DNAH6: variants seen among roughly 807,000 people sequenced by gnomAD.
The protein encoded by DNAH6 is axonemal beta dynein heavy chain 6.
DNAH6 carries 340 observed loss-of-function variants against 491.4 expected under a neutral mutation model. The ratio of observed to expected loss-of-function variants is 0.69; its 90% confidence interval spans 0.63 to 0.76. DNAH6 has a LOEUF of 0.76. Among genes scored for constraint, DNAH6 ranks in the 30% least tolerant of loss-of-function variants. The pLI is 0.00. For synonymous variants in DNAH6, 1,603 were observed against 1,686.1 expected, an observed-to-expected ratio of 0.95 and a Z score of 1.21; for missense variants, 4,443 against 4,972.2, an observed-to-expected ratio of 0.89 and a Z score of 3.20.
intron 18 of DNAH6, among the ~76,000 whole-genome samples, chr2:84,597,018 C>A (rs1684661234): frequency 6.6e-6 from 1 of 152,126 alleles, no homozygotes; most frequent in Admixed American, 6.5e-5. Flanking sequence ...GTATCCAATA[C>A]AATAGTACCA....
intron 22 of DNAH6, among the ~76,000 whole-genome samples, chr2:84,614,742 G>A (rs78862993): frequency 0.012 from 1,841 of 151,982 alleles, 38 homozygotes; most frequent in African/African-American, 0.042. Flanking sequence ...GGGTGGTATC[G>A]CATTGTGGTT....
At chr2:84,763,049 CA>C in intron 64 of DNAH6, 104 bp downstream of exon 64, 1 of 813,518 alleles carries the variant, frequency 1.2e-6, no homozygotes, top group South Asian at 1.7e-5. Context: ...TTCTTACATT[CA>C]GGTATCACTT....
intron 16 of DNAH6, among the ~76,000 whole-genome samples, chr2:84,589,290 T>C (rs1166507974): frequency 1.3e-5 from 2 of 152,246 alleles, no homozygotes; most frequent in Non-Finnish European, 2.9e-5. Flanking sequence ...TTAAGTAATA[T>C]TCAGGCTTCC....
chr2:84,751,475 G>A (rs575604085), intron 63 of DNAH6, among the ~76,000 whole-genome samples: 2 of 152,262 alleles, frequency 1.3e-5, no homozygotes, highest in African/African-American at 4.8e-5. Context: ...TAAATAGTGT[G>A]TTTAGACCTA....
At chr2:84,621,697 C>A in intron 26 of DNAH6, 146 bp downstream of exon 26, 1 of 507,936 alleles carries the variant, frequency 2.0e-6, no homozygotes, top group East Asian at 3.1e-5. Context: ...CTTTACAATT[C>A]TAAAATTATT....
intron 18 of DNAH6, among the ~76,000 whole-genome samples, 189 bp downstream of exon 18, chr2:84,595,978 A>C (rs72941034): frequency 6.6e-6 from 1 of 152,188 alleles, no homozygotes; most frequent in East Asian, 1.9e-4. Context: ...CAAATCATGC[A>C]GTTGAATACT....
At chr2:84,569,435 G>A (rs1357711254) in intron 11 of DNAH6, among the ~76,000 whole-genome samples, 1 of 152,064 alleles carries the variant, frequency 6.6e-6, no homozygotes. Context: ...TGAAAAAAAT[G>A]GGGAAGTGAC....
At chr2:84,718,459 G>A (rs1038216021) in intron 59 of DNAH6, 75 bp downstream of exon 59, 23 of 1,260,208 alleles carry the variant, frequency 1.8e-5, no homozygotes, top group Non-Finnish European at 2.4e-5. Flanking sequence ...TGAGGGTCCT[G>A]CAAGGGCTTT....
intron 47 of DNAH6, among the ~76,000 whole-genome samples, chr2:84,698,523 A>G (rs2104811798): frequency 6.6e-6 from 1 of 152,256 alleles, no homozygotes; most frequent in Non-Finnish European, 1.5e-5. Flanking sequence ...GAGCCACTAA[A>G]CCAGTCAGTG....
chr2:84,556,887 A>G (rs996367863), intron 10 of DNAH6, among the ~76,000 whole-genome samples: 5 of 152,178 alleles, frequency 3.3e-5, no homozygotes, highest in African/African-American at 7.2e-5. Context: ...GGGAGATGCC[A>G]TTTTGTAAGG....
chr2:84,708,553 AAGGAAGGAAAGAAAGAGGGAAGGAAGG>A (rs1238785694), intron 54 of DNAH6, among the ~76,000 whole-genome samples: 8 of 145,216 alleles, frequency 5.5e-5, no homozygotes, highest in African/African-American at 2.0e-4. Flanking sequence ...AGGAAGGAGG[AAGGAAGGAAAGAAAGAGGGAAGGAAGG>A]AGGAAGGAAG....
At chr2:84,740,182 A>G (rs1370790887) in intron 62 of DNAH6, among the ~76,000 whole-genome samples, 1 of 152,142 alleles carries the variant, frequency 6.6e-6, no homozygotes, top group African/African-American at 2.4e-5. Context: ...AAGTAGGTTC[A>G]TGCAGTGACT....
At position 84,653,645 on chromosome 2, in the gene DNAH6, A is replaced by G. The variant is rs1364938114; in HGVS notation, c.5405A>G (p.Tyr1802Cys). ...AAATCAATTACCATGGGTGAATTAT[A>G]TGGAGAGGTTAATAACTTAACCTTG... ...NPKSITMGEL[Y>C]GEVNNLTLEW... Residue 1802 changes from tyrosine (Y) to cysteine (C), a missense_variant, in exon 34 of 77, where the codon TAT becomes TGT. Physicochemically the swap from Tyr to Cys is radical, Grantham distance 194. This residue lies in a region of DNAH6 where 2,977 missense variants were observed against 3,296.6 expected (regional missense o/e 0.90). Coordinates refer to ENST00000389394, the MANE Select transcript of DNAH6 (RefSeq NM_001370.2). 6.4e-7 allele frequency: 1 copy of G among 1,551,150 alleles called. No homozygotes were observed. The highest frequency in any genetic ancestry group is 8.7e-7 in the Non-Finnish European group (1 of 1,146,690).
Position 84,588,819 on chromosome 2 carries a change from T to G in DNAH6, c.2482-7T>G. 6.6e-7 allele frequency: 1 copy of G among 1,522,528 alleles called. No individual in the cohort carries two copies. Among genetic ancestry groups the G allele is most frequent in the Non-Finnish European group, 8.8e-7 (1 of 1,135,798 alleles). 94.3% of individuals were successfully genotyped at this position (1,522,528 alleles called of 1,614,324 possible). On this transcript the variant is annotated splice_region_variant and splice_polypyrimidine_tract_variant and intron_variant, in intron 15 of 76. Transcript: ENST00000389394. Reference sequence around the variant, plus strand: ...ATGGCTAACCAAAAACTGTCTTAAATTTATAGGATCCACAGATTTTAGATA... The same window carrying G: ...ATGGCTAACCAAAAACTGTCTTAAAGTTATAGGATCCACAGATTTTAGATA...
chr2:84,768,929 G>C (rs532832621), intron 64 of DNAH6, among the ~76,000 whole-genome samples: 5 of 152,196 alleles, frequency 3.3e-5, no homozygotes, highest in African/African-American at 1.2e-4. Context: ...ATCTCTACAC[G>C]TGTAAGGAAA....
intron 35 of DNAH6, among the ~76,000 whole-genome samples, chr2:84,657,006 G>A (rs1164949146): frequency 4.6e-5 from 7 of 151,954 alleles, no homozygotes; most frequent in African/African-American, 1.7e-4. Context: ...TTAATTTTTA[G>A]GAAGGGTATA....
At chr2:84,780,996 G>A (rs1487471158) in intron 64 of DNAH6, among the ~76,000 whole-genome samples, 1 of 152,112 alleles carries the variant, frequency 6.6e-6, no homozygotes, top group Non-Finnish European at 1.5e-5. Context: ...ATAAGGAGGG[G>A]TACTGTTTTT....
At chr2:84,501,108 C>T in the DNAH6 span, among the ~76,000 whole-genome samples, 7 of 152,286 alleles carry the variant, frequency 4.6e-5, no homozygotes, top group Admixed American at 3.3e-4. Flanking sequence ...TGTTCCAGAT[C>T]ATAGAGGAAA....
Position 84,525,561 on chromosome 2 carries a change from A to C in DNAH6, c.226-4A>C. 1 of 1,536,494 alleles carries C rather than the reference A, an allele frequency of 6.5e-7. No individual in the cohort carries two copies. Among genetic ancestry groups the C allele is most frequent in the South Asian group, 1.2e-5 (1 of 80,316 alleles). On this transcript the variant is annotated splice_region_variant and splice_polypyrimidine_tract_variant and intron_variant, in intron 2 of 76. Coordinates refer to ENST00000389394, the MANE Select transcript of DNAH6 (RefSeq NM_001370.2). ...AAATTAACATGTCTCTCTATTTCCCAAAGCCAGTGCTAAAAGTCTACCAAG... is the reference window on the plus strand; with the variant it reads ...AAATTAACATGTCTCTCTATTTCCCCAAGCCAGTGCTAAAAGTCTACCAAG...
Sources: allele counts gnomAD v4.1 joint callset (sites outside exome capture counted in the v4.1 genomes callset), GRCh38; gene constraint gnomAD v4.1.1; regional missense constraint gnomAD v4.1.1; transcripts MANE v1.5; gene names NCBI Gene and HGNC (gene_info 2026-07-23, HGNC 2026-07-21).